Variants in CHCHD6 observed in about 807,000 individuals in gnomAD.
The protein encoded by CHCHD6 is coiled-coil-helix-coiled-coil-helix domain containing 6, also known as MICOS complex subunit MIC25.
In CHCHD6, 28 loss-of-function variants were observed where a neutral mutation model predicts 32.3. The observed-to-expected ratio is 0.87, with a 90% CI of 0.64 to 1.19. The LOEUF is 1.19. CHCHD6 is among the 50% of genes most tolerant of loss of function. CHCHD6 has a pLI of 0.00. For missense variants in CHCHD6, 333 were observed against 307.0 expected, an observed-to-expected ratio of 1.08 and a Z score of -0.63; for synonymous variants, 122 against 117.5, an observed-to-expected ratio of 1.04 and a Z score of -0.25.
At chr3:126,891,779 G>C (rs1383714737) in intron 5 of CHCHD6, among the ~76,000 whole-genome samples, 1 of 152,146 alleles carries the variant, frequency 6.6e-6, no homozygotes, top group Non-Finnish European at 1.5e-5. Context: ...AAGTAAGACA[G>C]AGCTAGATCA....
intron 6 of CHCHD6, among the ~76,000 whole-genome samples, chr3:126,934,805 T>G (rs1323519428): frequency 1.3e-5 from 2 of 152,132 alleles, no homozygotes; most frequent in African/African-American, 4.8e-5. Context: ...CGCCTCGGCC[T>G]CCCAGAGTGC....
At chr3:126,824,185 GT>G (rs1335492156) in intron 4 of CHCHD6, among the ~76,000 whole-genome samples, 1 of 152,030 alleles carries the variant, frequency 6.6e-6, no homozygotes, top group East Asian at 1.9e-4. Flanking sequence ...TAGCTGGTAG[GT>G]TTTTTTAGAT....
chr3:126,771,449 T>A (rs1166895628), intron 4 of CHCHD6, among the ~76,000 whole-genome samples: 2 of 152,144 alleles, frequency 1.3e-5, no homozygotes, highest in African/African-American at 4.8e-5. Context: ...GTGATCTTGA[T>A]CCGCCCACCT....
chr3:126,908,676 C>G (rs939678423), intron 5 of CHCHD6, among the ~76,000 whole-genome samples: 1 of 152,176 alleles, frequency 6.6e-6, no homozygotes, highest in African/African-American at 2.4e-5. Context: ...CCGATACTCT[C>G]GGATCTCTCT....
At chr3:126,806,368 C>T (rs1939379961) in intron 4 of CHCHD6, among the ~76,000 whole-genome samples, 1 of 151,796 alleles carries the variant, frequency 6.6e-6, no homozygotes, top group Non-Finnish European at 1.5e-5. Context: ...AAAAACAACC[C>T]CATCAAAAAG....
At chr3:126,789,265 G>A (rs1938394917) in intron 4 of CHCHD6, among the ~76,000 whole-genome samples, 1 of 152,196 alleles carries the variant, frequency 6.6e-6, no homozygotes, top group Admixed American at 6.5e-5. Context: ...TTTGGAATAA[G>A]TGCGGTGTGG....
rs553000970 is a variant in CHCHD6, at chr3:126,771,084, ACTT to A, written c.411+37868_411+37870del. Among the ~76,000 whole-genome samples the A allele has an allele frequency of 2.0e-3, 305 of 152,064 alleles. 1 individual carries two copies. The highest frequency in any genetic ancestry group is 6.8e-3 in the African/African-American group (284 of 41,480). On this transcript the variant is annotated intron_variant, in intron 4 of 7. Transcript: ENST00000290913. ...GTTGTATGTGTCCAGGAATTTATCC[ACTT>A]CTTCTAGATTTTCTAGTTTCTTTGC...
chr3:126,955,587 G>T (rs1029490253), intron 6 of CHCHD6, among the ~76,000 whole-genome samples: 1 of 152,180 alleles, frequency 6.6e-6, no homozygotes, highest in Non-Finnish European at 1.5e-5. Flanking sequence ...GCGCTGGTGT[G>T]GCATGGCAGT....
chr3:126,730,221 G>A (rs546798357), intron 2 of CHCHD6, among the ~76,000 whole-genome samples: 22 of 152,224 alleles, frequency 1.4e-4, no homozygotes, highest in Admixed American at 1.0e-3. Context: ...ATACCTTCCC[G>A]CAGCCACTCC....
rs527398826 is a variant in CHCHD6, at chr3:126,811,215, A to G, written c.412-41432A>G. The stretch of plus-strand genomic sequence containing the variant: ...TTTCATTCCCATCAAGAGCTAACAA[A>G]CTAAGCTATGCAGAATTAATTGAGC... On this transcript the variant is annotated intron_variant, in intron 4 of 7. Transcript: ENST00000290913. 1.2e-4 allele frequency among the ~76,000 whole-genome samples: 18 copies of G among 152,328 alleles called. 1 individual carries two copies. In the South Asian group the frequency reaches 3.7e-3, roughly 32 times the overall value.
At chr3:126,871,760 G>A (rs1350077912) in intron 5 of CHCHD6, among the ~76,000 whole-genome samples, 1 of 148,762 alleles carries the variant, frequency 6.7e-6, no homozygotes, top group Non-Finnish European at 1.5e-5. Context: ...CCGCCTCCCA[G>A]GTTCAAGCAA....
chr3:126,780,557 AT>A, intron 4 of CHCHD6: 1 of 185,160 alleles, frequency 5.4e-6, no homozygotes, highest in East Asian at 1.7e-4. Context: ...ATGGCCCCTT[AT>A]CTTCGCCTGA....
intron 7 of CHCHD6, among the ~76,000 whole-genome samples, chr3:126,958,853 G>A (rs998101357): frequency 2.0e-5 from 3 of 152,170 alleles, no homozygotes; most frequent in African/African-American, 7.2e-5. Flanking sequence ...AGGGCCCTTC[G>A]CACCGACCAG....
chr3:126,893,697 G>A (rs567338676), intron 5 of CHCHD6, among the ~76,000 whole-genome samples: 33 of 152,338 alleles, frequency 2.2e-4, no homozygotes, highest in South Asian at 1.4e-3. Context: ...CTGAACCCCC[G>A]CTAAGGGGAG....
At chr3:126,853,919 T>C (rs1337517517) in intron 5 of CHCHD6, among the ~76,000 whole-genome samples, 1 of 152,212 alleles carries the variant, frequency 6.6e-6, no homozygotes, top group Non-Finnish European at 1.5e-5. Context: ...TGCCGATATG[T>C]TCATAGGCAC....
chr3:126,886,014 G>A (rs1280160684), intron 5 of CHCHD6, among the ~76,000 whole-genome samples: 1 of 152,202 alleles, frequency 6.6e-6, no homozygotes, highest in Non-Finnish European at 1.5e-5. Context: ...CTGCAGCCAT[G>A]CTAGAAAGAA....
intron 5 of CHCHD6, among the ~76,000 whole-genome samples, chr3:126,859,803 A>G (rs1941795512): frequency 6.6e-6 from 1 of 152,204 alleles, no homozygotes; most frequent in Non-Finnish European, 1.5e-5. Flanking sequence ...TGAGTGGAGA[A>G]GAGTCCAGGA....
chr3:126,798,801 C>T (rs1347424471), intron 4 of CHCHD6, among the ~76,000 whole-genome samples: 1 of 152,214 alleles, frequency 6.6e-6, no homozygotes, highest in African/African-American at 2.4e-5. Flanking sequence ...CTCAGTCTGC[C>T]TTGCCTCTCA....
chr3:126,816,024 G>A (rs1353097416), intron 4 of CHCHD6, among the ~76,000 whole-genome samples: 1 of 152,102 alleles, frequency 6.6e-6, no homozygotes, highest in East Asian at 1.9e-4. Flanking sequence ...CATCCATTCA[G>A]ATGTCATTTT....
Sources: allele counts gnomAD v4.1 joint callset (sites outside exome capture counted in the v4.1 genomes callset), GRCh38; gene constraint gnomAD v4.1.1; transcripts MANE v1.5; gene names NCBI Gene and HGNC (gene_info 2026-07-23, HGNC 2026-07-21).